Variants in CADPS observed in about 807,000 individuals in gnomAD.
CADPS encodes calcium dependent secretion activator.
Under a neutral mutation model 167.3 loss-of-function variants are expected in CADPS, and 57 were observed. The observed-to-expected ratio is 0.34, with a 90% confidence interval of 0.28 to 0.42. The LOEUF (loss-of-function observed/expected upper bound fraction) is 0.42, where lower values mean the gene tolerates loss of function less well. CADPS is among the 20% of genes least tolerant of loss of function. CADPS has a pLI of 1.00. For missense variants in CADPS, 1,414 were observed against 1,738.1 expected, an observed-to-expected ratio of 0.81 and a Z score of 3.32; for synonymous variants, 676 against 635.3, an observed-to-expected ratio of 1.06 and a Z score of -0.96.
chr3:62,739,858 A>G (rs554965590), intron 3 of CADPS, among the ~76,000 whole-genome samples: 2 of 152,382 alleles, frequency 1.3e-5, no homozygotes, highest in South Asian at 4.1e-4. Flanking sequence ...CAGTTGCCAC[A>G]GTAAAGAGAG....
In CADPS at chr3:62,801,967, T is replaced by G. The variant is rs1038715874; in HGVS notation, c.442-35983A>C. ...ATTGTGCAGACATCACTCTTTGTTT[T>G]AGCACACTTTGCTTGTTTTAAACAT... On this transcript the variant is annotated intron_variant, in intron 1 of 29. Transcript: ENST00000383710. 3.3e-5 allele frequency among the ~76,000 whole-genome samples: 5 copies of G among 152,180 alleles called. No homozygotes were observed. In the East Asian group the frequency reaches 9.6e-4, roughly 29 times the overall value.
At chr3:62,687,734 A>ATTTTTTTTTTTTT (rs201429638) in intron 3 of CADPS, among the ~76,000 whole-genome samples, 2 of 128,336 alleles carry the variant, frequency 1.6e-5, no homozygotes, top group African/African-American at 2.9e-5. Context: ...TTCCCTTCGC[A>ATTTTTTTTTTTTT]TTTTTTTTTT....
At chr3:62,785,107 T>C (rs1017613674) in intron 1 of CADPS, among the ~76,000 whole-genome samples, 2 of 150,192 alleles carry the variant, frequency 1.3e-5, no homozygotes, top group Admixed American at 6.6e-5. Context: ...ATGAAAGAGA[T>C]TAACCATGAA....
At chr3:62,798,147 G>T (rs2093555627) in intron 1 of CADPS, among the ~76,000 whole-genome samples, 2 of 149,330 alleles carry the variant, frequency 1.3e-5, no homozygotes, top group South Asian at 4.1e-4. Flanking sequence ...GGCTAATACT[G>T]AGTGTCAACT....
intron 21 of CADPS, among the ~76,000 whole-genome samples, chr3:62,482,630 T>C (rs2062177473): frequency 6.6e-6 from 1 of 152,124 alleles, no homozygotes; most frequent in South Asian, 2.1e-4. Context: ...CCAATTCAGC[T>C]CTTGTATTAG....
chr3:62,517,668 T>G (rs112857878), intron 14 of CADPS, among the ~76,000 whole-genome samples: 2,771 of 152,250 alleles, frequency 0.018, 44 homozygotes, highest in African/African-American at 0.045. Context: ...CAGAATCTGC[T>G]GGCTCTCTTG....
chr3:62,695,537 T>C (rs1194852402), intron 3 of CADPS, among the ~76,000 whole-genome samples: 1 of 152,046 alleles, frequency 6.6e-6, no homozygotes, highest in Non-Finnish European at 1.5e-5. Context: ...TCTCTAAGGG[T>C]TGGTACCTGT....
At chr3:62,738,874 G>A (rs1398617502) in intron 3 of CADPS, among the ~76,000 whole-genome samples, 4 of 152,096 alleles carry the variant, frequency 2.6e-5, no homozygotes, top group East Asian at 1.9e-4. Flanking sequence ...AACATTGACT[G>A]TTTACTAAAA....
chr3:62,662,706 C>A (rs1036730298), intron 3 of CADPS, among the ~76,000 whole-genome samples: 1 of 152,142 alleles, frequency 6.6e-6, no homozygotes, highest in African/African-American at 2.4e-5. Context: ...GCCCAGTGAC[C>A]AAAGTGCTTA....
At chr3:62,625,381 TCACACACACA>T (rs10575126) in intron 6 of CADPS, 1 of 146,794 alleles carries the variant, frequency 6.8e-6, no homozygotes, top group Admixed American at 6.7e-5. Flanking sequence ...TAAAAGTTTT[TCACACACACA>T]CACACACACA....
intron 1 of CADPS, among the ~76,000 whole-genome samples, chr3:62,857,636 A>G (rs1270440567): frequency 6.6e-6 from 1 of 152,070 alleles, no homozygotes; most frequent in African/African-American, 2.4e-5. Context: ...ATGTAGAAAT[A>G]TTACTTTTAT....
Position 62,492,299 on chromosome 3 carries a change from G to C in CADPS, c.2875C>G (p.Arg959Gly). The C allele has an allele frequency of 1.9e-6, 3 of 1,613,866 alleles. No individual in the cohort carries two copies. The highest frequency in any genetic ancestry group is 2.5e-6 in the Non-Finnish European group (3 of 1,179,810). ...PLFQLLNDFLRTDYNLCNGKF... is the reference protein window; with the variant it reads ...PLFQLLNDFLGTDYNLCNGKF... ...CAAAGGTAATACATACAGTCAGTACGGAGAAAATCATTCAGCAGCTGAAAT... is the reference window on the plus strand; with the variant it reads ...CAAAGGTAATACATACAGTCAGTACCGAGAAAATCATTCAGCAGCTGAAAT... Residue 959 changes from arginine to glycine, a missense_variant, in exon 20 of 30, where the codon CGT becomes GGT. Coordinates refer to ENST00000383710, the MANE Select transcript of CADPS (RefSeq NM_003716.4).
chr3:62,598,132 T>C (rs948137847), intron 6 of CADPS, among the ~76,000 whole-genome samples: 1 of 152,158 alleles, frequency 6.6e-6, no homozygotes, highest in African/African-American at 2.4e-5. Context: ...AGCTCGAAGA[T>C]AAAATTATTA....
chr3:62,749,010 T>G (rs1212985880), intron 3 of CADPS, among the ~76,000 whole-genome samples: 2 of 151,916 alleles, frequency 1.3e-5, no homozygotes, highest in Admixed American at 1.3e-4. Context: ...TGAGTTACCT[T>G]TAGAATTCAA....
intron 13 of CADPS, among the ~76,000 whole-genome samples, chr3:62,526,290 A>G (rs1174841352): frequency 6.6e-6 from 1 of 152,150 alleles, no homozygotes; most frequent in Admixed American, 6.6e-5. Context: ...ACCCTCTTAC[A>G]TCTGCTTTAC....
intron 3 of CADPS, among the ~76,000 whole-genome samples, chr3:62,704,045 C>T (rs1245587582): frequency 1.3e-5 from 2 of 152,074 alleles, no homozygotes; most frequent in Non-Finnish European, 2.9e-5. Flanking sequence ...TTAAGTACTC[C>T]ATGTCAGGCA....
At chr3:62,571,668 G>A (rs904439657) in intron 8 of CADPS, among the ~76,000 whole-genome samples, 1 of 151,748 alleles carries the variant, frequency 6.6e-6, no homozygotes, top group African/African-American at 2.4e-5. Flanking sequence ...GGGTTCAAGT[G>A]ATTCTCCTGC....
At chr3:62,655,848 G>A (rs1167023191) in intron 4 of CADPS, among the ~76,000 whole-genome samples, 1 of 152,126 alleles carries the variant, frequency 6.6e-6, no homozygotes, top group African/African-American at 2.4e-5. Flanking sequence ...TGGTATGGCT[G>A]TCACTGGAGA....
At chr3:62,635,167 C>A (rs17066711) in intron 6 of CADPS, among the ~76,000 whole-genome samples, 4,397 of 152,196 alleles carry the variant, frequency 0.029, 224 homozygotes, top group African/African-American at 0.1. Flanking sequence ...GGTTCCAAGT[C>A]CCGCTACATT....
Sources: gnomAD v4.1 joint callset for allele counts (sites outside exome capture counted in the v4.1 genomes callset) on GRCh38, gnomAD v4.1.1 for gene constraint, MANE v1.5 for transcripts, NCBI Gene and HGNC (gene_info 2026-07-23, HGNC 2026-07-21) for gene names.